Variants in PTPRO observed in about 807,000 individuals in gnomAD.
PTPRO encodes the protein receptor-type tyrosine-protein phosphatase O.
In PTPRO, 62 loss-of-function variants were observed where a neutral mutation model predicts 145.2. That is an observed-to-expected ratio of 0.43 (90% confidence interval 0.35 to 0.53). The LOEUF (loss-of-function observed/expected upper bound fraction) is 0.53, where lower values mean the gene tolerates loss of function less well. Among genes scored for constraint, PTPRO ranks in the 20% least tolerant of loss-of-function variants. The pLI is 0.01. For missense variants in PTPRO, 1,345 were observed against 1,482.7 expected, an observed-to-expected ratio of 0.91 and a Z score of 1.53; for synonymous variants, 565 against 514.7, an observed-to-expected ratio of 1.10 and a Z score of -1.32.
intron 1 of PTPRO, among the ~76,000 whole-genome samples, chr12:15,432,920 T>C (rs1313951884): frequency 1.3e-5 from 2 of 152,206 alleles, no homozygotes; most frequent in African/African-American, 4.8e-5. Flanking sequence ...ATACACAGTT[T>C]GCAAAATTTT....
At position 15,546,859 on chromosome 12, in the gene PTPRO, C is replaced by T. The variant is rs1943304829; in HGVS notation, c.2304+151C>T. ...TTCACTGATAGAAATTAACAGCAGGCTTAGACCAAGCCCAAAAGTTGTTAT... is the reference window on the plus strand; with the variant it reads ...TTCACTGATAGAAATTAACAGCAGGTTTAGACCAAGCCCAAAAGTTGTTAT... On this transcript the variant is annotated intron_variant, in intron 13 of 26. Transcript: ENST00000281171. 4.2e-6 allele frequency: 5 copies of T among 1,179,182 alleles called. No individual in the cohort carries two copies. In the East Asian group the frequency reaches 1.3e-4, roughly 30 times the overall value. The allele number at this position is 1,179,182 out of a possible 1,614,324, so 73.0% of individuals were successfully genotyped here. A position where few individuals can be genotyped will look rare whatever the true frequency, so the allele number is the denominator to read the frequency against.
chr12:15,483,339 C>A (rs996494696), intron 1 of PTPRO, among the ~76,000 whole-genome samples: 2 of 152,082 alleles, frequency 1.3e-5, no homozygotes, highest in African/African-American at 4.8e-5. Context: ...TTTAAAAAGT[C>A]CATCAACCGC....
intron 1 of PTPRO, among the ~76,000 whole-genome samples, chr12:15,424,063 C>T (rs1472915949): frequency 6.6e-6 from 1 of 152,194 alleles, no homozygotes; most frequent in African/African-American, 2.4e-5. Context: ...TGCTGGACAG[C>T]ATTTCCAATT....
chr12:15,569,594 C>T lies in PTPRO; in HGVS notation c.2829+96C>T, dbSNP rs958588871. 1.6e-4 allele frequency: 182 copies of T among 1,107,628 alleles called. 1 individual carries two copies. The highest frequency in any genetic ancestry group is 2.3e-4 in the Non-Finnish European group (167 of 733,972). 68.6% of individuals were successfully genotyped at this position (1,107,628 alleles called of 1,614,324 possible). The stretch of plus-strand genomic sequence containing the variant: ...GTCATGTCCCTGCTCACTGGCAGTG[C>T]GTAACAAAAAGGGTATTGGCCTGGG... On this transcript the variant is annotated intron_variant, in intron 19 of 26. Transcript: ENST00000281171.
At chr12:15,579,770 A>G (rs1314691243) in intron 20 of PTPRO, among the ~76,000 whole-genome samples, 1 of 152,194 alleles carries the variant, frequency 6.6e-6, no homozygotes, top group African/African-American at 2.4e-5. Context: ...TAGTTCCTGA[A>G]ATACTCTGAA....
intron 1 of PTPRO, among the ~76,000 whole-genome samples, chr12:15,362,746 C>T (rs1938248107): frequency 6.6e-6 from 1 of 151,714 alleles, no homozygotes; most frequent in Non-Finnish European, 1.5e-5. Flanking sequence ...TAGTGTAAAT[C>T]CAGTAAAGCT....
chr12:15,323,031 G>A (rs894178530), intron 1 of PTPRO, among the ~76,000 whole-genome samples: 3 of 152,196 alleles, frequency 2.0e-5, no homozygotes, highest in African/African-American at 7.2e-5. Flanking sequence ...GCTCCCTCCG[G>A]CTTTCGCCCT....
chr12:15,460,472 G>A (rs1941276641), intron 1 of PTPRO, among the ~76,000 whole-genome samples: 1 of 152,024 alleles, frequency 6.6e-6, no homozygotes, highest in African/African-American at 2.4e-5. Flanking sequence ...ATTTTTCTAT[G>A]TTCCCTTATT....
chr12:15,391,493 G>C (rs2136287090), intron 1 of PTPRO, among the ~76,000 whole-genome samples: 1 of 152,182 alleles, frequency 6.6e-6, no homozygotes, highest in East Asian at 1.9e-4. Flanking sequence ...TGTTATATTT[G>C]TCCACTCACA....
chr12:15,483,925 A>G lies in PTPRO; in HGVS notation c.76-49A>G, dbSNP rs145414971. On this transcript the variant is annotated intron_variant, in intron 1 of 26. Coordinates refer to ENST00000281171, the MANE Select transcript of PTPRO (RefSeq NM_030667.3). ...TTATCTTAGCATAACTTTATTGCCAATTATCTGAATATAACCTCCATCTCT... is the reference window on the plus strand; with the variant it reads ...TTATCTTAGCATAACTTTATTGCCAGTTATCTGAATATAACCTCCATCTCT... 25 of 1,577,198 alleles carry G rather than the reference A, an allele frequency of 1.6e-5. No individual in the cohort carries two copies. The African/African-American group carries it at 3.4e-4, about 21-fold the overall frequency.
chr12:15,472,314 T>C (rs1053995457), intron 1 of PTPRO, among the ~76,000 whole-genome samples: 1 of 152,260 alleles, frequency 6.6e-6, no homozygotes, highest in South Asian at 2.1e-4. Context: ...CCTGTTATTC[T>C]GCATACTCCT....
chr12:15,495,607 AAG>A (rs1942083369), intron 2 of PTPRO, among the ~76,000 whole-genome samples: 1 of 151,998 alleles, frequency 6.6e-6, no homozygotes, highest in African/African-American at 2.4e-5. Context: ...ATCTCATTTA[AAG>A]AGAGTTTTAT....
chr12:15,520,665 T>G (rs1240493705), intron 10 of PTPRO, among the ~76,000 whole-genome samples: 4 of 152,180 alleles, frequency 2.6e-5, no homozygotes, highest in Non-Finnish European at 4.4e-5. Flanking sequence ...TGATTATATT[T>G]GTTAGAGTGC....
chr12:15,473,768 C>CAAAAAAAAAAAAAAAAAAAAAAAAAA (rs11340085), intron 1 of PTPRO, among the ~76,000 whole-genome samples: 7 of 65,578 alleles, frequency 1.1e-4, no homozygotes, highest in African/African-American at 3.6e-4. Flanking sequence ...GACTCCATCT[C>CAAAAAAAAAAAAAAAAAAAAAAAAAA]AAAAAAAAAA....
intron 1 of PTPRO, among the ~76,000 whole-genome samples, chr12:15,421,479 G>A (rs140116950): frequency 6.6e-6 from 1 of 152,122 alleles, no homozygotes; most frequent in Non-Finnish European, 1.5e-5. Context: ...CTTAGAATAG[G>A]CATAGTACAA....
At chr12:15,478,856 A>G (rs1302446671) in intron 1 of PTPRO, among the ~76,000 whole-genome samples, 1 of 152,024 alleles carries the variant, frequency 6.6e-6, no homozygotes, top group Admixed American at 6.6e-5. Flanking sequence ...TATTTTTAGT[A>G]GAGACAGGGT....
chr12:15,579,490 G>A (rs930676469), intron 20 of PTPRO, among the ~76,000 whole-genome samples: 9 of 152,234 alleles, frequency 5.9e-5, no homozygotes, highest in Admixed American at 1.3e-4. Context: ...AAAGTGAGAA[G>A]AGAAAGGCTG....
chr12:15,538,465 T>TGCCCG (rs1482952720), intron 12 of PTPRO, among the ~76,000 whole-genome samples: 1 of 152,190 alleles, frequency 6.6e-6, no homozygotes, highest in African/African-American at 2.4e-5. Context: ...CCTCTTGATC[T>TGCCCG]GCCCGCAAGT....
rs745646041 is a variant in PTPRO at position 15,322,732 on chromosome 12, G to A, written c.6G>A (p.Gly2=). The change falls in exon 1 of 27, where the codon GGG becomes GGA. Residue 2 remains glycine (G), a synonymous_variant. Coordinates refer to ENST00000281171, the MANE Select transcript of PTPRO (RefSeq NM_030667.3). The surrounding 1 kb of genome is among the most constrained non-coding windows in gnomAD (Gnocchi z 6.3). The part of the protein sequence containing the change: M[G]HLPTGIHGAR... ...GAGTCCCCGTCCGCGCAGCGATGGGGCACCTGCCCACGGGGATACACGGCG... is the reference window on the plus strand; with the variant it reads ...GAGTCCCCGTCCGCGCAGCGATGGGACACCTGCCCACGGGGATACACGGCG... 3 of 1,611,406 alleles carry A rather than the reference G, an allele frequency of 1.9e-6. No individual in the cohort carries two copies. Among genetic ancestry groups the A allele is most frequent in the South Asian group, 1.1e-5 (1 of 90,826 alleles).
Sources: gnomAD v4.1 joint callset for allele counts (sites outside exome capture counted in the v4.1 genomes callset) on GRCh38, gnomAD v4.1.1 for gene constraint, Gnocchi (gnomAD v3.1) non-coding constraint, MANE v1.5 for transcripts, NCBI Gene and HGNC (gene_info 2026-07-23, HGNC 2026-07-21) for gene names.